Variants in VWC2 observed in about 807,000 individuals in gnomAD.
VWC2 encodes von Willebrand factor C domain containing 2, also known as brorin.
A neutral mutation model predicts 29.8 loss-of-function variants in VWC2; 14 were observed. The ratio of observed to expected loss-of-function variants is 0.47; its 90% CI spans 0.31 to 0.74. The LOEUF (loss-of-function observed/expected upper bound fraction) is 0.74, where lower values mean the gene tolerates loss of function less well. Among genes scored for constraint, VWC2 ranks in the 30% least tolerant of loss-of-function variants. VWC2 has a pLI of 0.05. For missense variants in VWC2, 457 were observed against 459.8 expected, an observed-to-expected ratio of 0.99 and a Z score of 0.05; for synonymous variants, 213 against 199.0, an observed-to-expected ratio of 1.07 and a Z score of -0.59.
At chr7:49,893,805 A>G (rs982145800) in intron 3 of VWC2, among the ~76,000 whole-genome samples, 29 of 152,232 alleles carry the variant, frequency 1.9e-4, no homozygotes, top group Non-Finnish European at 3.4e-4. Flanking sequence ...AATTTACAAT[A>G]AGTTACAGAA....
Position 49,920,829 on chromosome 7 carries a change from T to C in VWC2, c.*8644T>C, listed in dbSNP as rs1793986523. On this transcript the variant is annotated 3_prime_UTR_variant, in exon 4 of 4. Coordinates refer to ENST00000340652, the MANE Select transcript of VWC2 (RefSeq NM_198570.5). ...AACATCATTTACCAAGTCTGTGTGA[T>C]GCTTTACAAGGTACCTGATGAATGT... 6.6e-6 allele frequency: 1 copy of C among 152,242 alleles called. No homozygotes were observed. The highest frequency in any genetic ancestry group is 1.5e-5 in the Non-Finnish European group (1 of 68,038). 9.4% of individuals were successfully genotyped at this position (152,242 alleles called of 1,614,324 possible). A position where few individuals can be genotyped will look rare whatever the true frequency, so the allele number is the denominator to read the frequency against.
intron 3 of VWC2, among the ~76,000 whole-genome samples, chr7:49,902,005 G>C (rs567340756): frequency 5.4e-5 from 8 of 147,104 alleles, no homozygotes; most frequent in African/African-American, 2.1e-4. Flanking sequence ...TAAATCAAGA[G>C]ACAGACTTTA....
At chr7:49,865,292 T>C (rs771169360) in intron 3 of VWC2, among the ~76,000 whole-genome samples, 2 of 152,200 alleles carry the variant, frequency 1.3e-5, no homozygotes, top group Non-Finnish European at 2.9e-5. Flanking sequence ...GTACCTTGGA[T>C]CAAGTAATAG....
At chr7:49,792,865 C>T (rs929525335) in intron 2 of VWC2, among the ~76,000 whole-genome samples, 2 of 152,130 alleles carry the variant, frequency 1.3e-5, no homozygotes, top group Non-Finnish European at 2.9e-5. Flanking sequence ...ACTGTGATGT[C>T]GGGCAGTCAG....
intron 3 of VWC2, among the ~76,000 whole-genome samples, chr7:49,905,396 A>G (rs1356289463): frequency 6.6e-6 from 1 of 152,222 alleles, no homozygotes; most frequent in Non-Finnish European, 1.5e-5. Context: ...AGTTCCTCAG[A>G]GTCATCAGGG....
intron 3 of VWC2, among the ~76,000 whole-genome samples, chr7:49,836,458 G>C: frequency 7.6e-6 from 1 of 131,154 alleles, no homozygotes; most frequent in African/African-American, 2.9e-5. Flanking sequence ...GTGAAACTCT[G>C]TCTCTGAAAA....
At chr7:49,907,733 G>A (rs1167542914) in intron 3 of VWC2, among the ~76,000 whole-genome samples, 1 of 152,202 alleles carries the variant, frequency 6.6e-6, no homozygotes, top group African/African-American at 2.4e-5. Flanking sequence ...AAAACTGAGG[G>A]TGGAGTTGGG....
At position 49,783,957 on chromosome 7, in the gene VWC2, C is replaced by T. The variant is rs73347640; in HGVS notation, c.696+7826C>T. On this transcript the variant is annotated intron_variant, in intron 2 of 3. Coordinates refer to ENST00000340652, the MANE Select transcript of VWC2 (RefSeq NM_198570.5). ...AATTAAAATGCCAGGTGGCTCTGCA[C>T]ATTTCCAAGTATCCAAGAATAGCAA... Among the ~76,000 whole-genome samples, 1,478 of 152,154 alleles carry T rather than the reference C, an allele frequency of 9.7e-3. 23 individuals carry two copies. The highest frequency in any genetic ancestry group is 0.034 in the African/African-American group (1,407 of 41,526).
intron 3 of VWC2, among the ~76,000 whole-genome samples, chr7:49,870,644 T>A (rs1381223402): frequency 2.0e-5 from 3 of 152,094 alleles, no homozygotes; most frequent in Non-Finnish European, 4.4e-5. Context: ...CACATGTGCA[T>A]CAGGAAGGCC....
At chr7:49,788,630 TGA>T (rs34666056) in intron 2 of VWC2, among the ~76,000 whole-genome samples, 1 of 148,292 alleles carries the variant, frequency 6.7e-6, no homozygotes, top group South Asian at 2.1e-4. Flanking sequence ...GGTGTGTGAG[TGA>T]GTGTGTGGGT....
intron 3 of VWC2, among the ~76,000 whole-genome samples, chr7:49,848,245 C>T (rs1166497931): frequency 6.6e-6 from 1 of 152,184 alleles, no homozygotes; most frequent in African/African-American, 2.4e-5. Context: ...GTCTGTGGTG[C>T]AGCACTAGCT....
chr7:49,780,486 T>A (rs1788150120), intron 2 of VWC2, among the ~76,000 whole-genome samples: 1 of 152,222 alleles, frequency 6.6e-6, no homozygotes, highest in Non-Finnish European at 1.5e-5. Flanking sequence ...AATCTTGGTC[T>A]CCTGGAGGAC....
chr7:49,908,762 A>C (rs1793240455), intron 3 of VWC2, among the ~76,000 whole-genome samples: 1 of 152,198 alleles, frequency 6.6e-6, no homozygotes, highest in African/African-American at 2.4e-5. Context: ...AGAAGCTTTT[A>C]GTGATTAAAG....
chr7:49,782,622 A>G (rs1007727434), intron 2 of VWC2, among the ~76,000 whole-genome samples: 1 of 150,870 alleles, frequency 6.6e-6, no homozygotes, highest in African/African-American at 2.4e-5. Flanking sequence ...AGGTGGGAAG[A>G]TGACTTGAGT....
intron 3 of VWC2, among the ~76,000 whole-genome samples, chr7:49,832,935 G>A (rs1330577998): frequency 7.9e-5 from 12 of 152,214 alleles, no homozygotes; most frequent in Admixed American, 7.2e-4. Context: ...GGAGATCACA[G>A]TCTAAAAGTC....
intron 2 of VWC2, among the ~76,000 whole-genome samples, chr7:49,791,233 G>C (rs1362287342): frequency 6.6e-6 from 1 of 152,212 alleles, no homozygotes; most frequent in Admixed American, 6.5e-5. Flanking sequence ...GTGTGAGCTG[G>C]AAACAGGTTT....
chr7:49,912,267 G>A lies in VWC2; in HGVS notation c.*82G>A. On this transcript the variant is annotated 3_prime_UTR_variant, in exon 4 of 4. Coordinates refer to ENST00000340652, the MANE Select transcript of VWC2 (RefSeq NM_198570.5). The stretch of plus-strand genomic sequence containing the variant: ...TTCTAGATGACTCTGGGAACTATCA[G>A]TCAAAGAAGACTTTTGATGAGGAAT... 3 of 1,420,460 alleles carry A rather than the reference G, an allele frequency of 2.1e-6. No homozygotes were observed. Among genetic ancestry groups the A allele is most frequent in the Non-Finnish European group, 2.8e-6 (3 of 1,057,652 alleles). 88.0% of individuals were successfully genotyped at this position (1,420,460 alleles called of 1,614,324 possible). A position where few individuals can be genotyped will look rare whatever the true frequency, so the allele number is the denominator to read the frequency against.
At chr7:49,814,092 A>T (rs1789075653) in intron 3 of VWC2, among the ~76,000 whole-genome samples, 1 of 152,186 alleles carries the variant, frequency 6.6e-6, no homozygotes, top group South Asian at 2.1e-4. Flanking sequence ...CTTATTTTAC[A>T]CGTGTCTTCT....
chr7:49,899,232 A>G (rs1792573842), intron 3 of VWC2, among the ~76,000 whole-genome samples: 1 of 152,082 alleles, frequency 6.6e-6, no homozygotes, highest in South Asian at 2.1e-4. Flanking sequence ...GGTGAGTAGC[A>G]TACACACCAA....
Sources: allele counts gnomAD v4.1 joint callset (sites outside exome capture counted in the v4.1 genomes callset), GRCh38; gene constraint gnomAD v4.1.1; transcripts MANE v1.5; gene names NCBI Gene and HGNC (gene_info 2026-07-23, HGNC 2026-07-21).